Variants in LRP1B observed in about 807,000 individuals in gnomAD.
LRP1B encodes the protein LDL receptor related protein 1B.
Under a neutral mutation model 556.6 loss-of-function variants are expected in LRP1B, and 217 were observed. The ratio of observed to expected loss-of-function variants is 0.39; its 90% CI spans 0.35 to 0.44. LRP1B has a LOEUF of 0.44. Among genes scored for constraint, LRP1B ranks in the 20% least tolerant of loss-of-function variants. The pLI, the probability that LRP1B is intolerant of heterozygous loss-of-function variation, is 1.00. For synonymous variants in LRP1B, 2,047 were observed against 1,865.8 expected (o/e 1.10, Z -2.50); for missense variants, 5,053 against 5,620.8 (o/e 0.90, Z 3.23).
chr2:140,628,537 G>GAAAA (rs71408464), intron 41 of LRP1B, among the ~76,000 whole-genome samples: 1 of 138,396 alleles, frequency 7.2e-6, no homozygotes. Flanking sequence ...ACTCTGTCTC[G>GAAAA]AAAAAAAAAA....
chr2:141,728,415 A>G (rs1383767205), intron 2 of LRP1B, among the ~76,000 whole-genome samples: 1 of 152,048 alleles, frequency 6.6e-6, no homozygotes, highest in Non-Finnish European at 1.5e-5. Flanking sequence ...ACAAGCTCCT[A>G]ATAAAGGAAG....
chr2:141,902,676 A>G (rs1337941017), intron 1 of LRP1B, among the ~76,000 whole-genome samples: 1 of 151,716 alleles, frequency 6.6e-6, no homozygotes, highest in Non-Finnish European at 1.5e-5. Flanking sequence ...CAGAGCCAAT[A>G]TGAACTTACT....
rs945834996 is a variant in LRP1B, at chr2:140,232,277, AT to A, written c.*908del. On this transcript the variant is annotated 3_prime_UTR_variant, in exon 91 of 91. Coordinates refer to ENST00000389484, the MANE Select transcript of LRP1B (RefSeq NM_018557.3). ...TCACCAATTTGTGTGCTTATATATTATTCTTTAGTGTTCAGTGTAGTGTAAG... is the reference window on the plus strand; with the variant it reads ...TCACCAATTTGTGTGCTTATATATTATCTTTAGTGTTCAGTGTAGTGTAAG... 2 of 151,216 alleles carry A rather than the reference AT, an allele frequency of 1.3e-5. No individual in the cohort carries two copies. The highest frequency in any genetic ancestry group is 4.8e-5 in the African/African-American group (2 of 41,318). The allele number at this position is 151,216 out of a possible 1,614,324, so 9.4% of individuals were successfully genotyped here.
At chr2:140,709,111 G>T (rs1336103262) in intron 37 of LRP1B, among the ~76,000 whole-genome samples, 2 of 152,012 alleles carry the variant, frequency 1.3e-5, no homozygotes, top group Non-Finnish European at 2.9e-5. Flanking sequence ...AAGATCCCAT[G>T]TTAATTTGAG....
chr2:141,899,875 A>G (rs1699564051), intron 1 of LRP1B, among the ~76,000 whole-genome samples: 1 of 151,750 alleles, frequency 6.6e-6, no homozygotes. Context: ...TTCATTGACA[A>G]CTCCCTGCAT....
rs574713705 is a variant in LRP1B, at chr2:141,515,412, C to A, written c.206-34879G>T. ...AGCAGAGTTAAAGTTTACATCCACT[C>A]TCCATAGAAAAATATCAAGACCAAA... On this transcript the variant is annotated intron_variant, in intron 2 of 90. Coordinates refer to ENST00000389484, the MANE Select transcript of LRP1B (RefSeq NM_018557.3). Among the ~76,000 whole-genome samples, 7 of 152,198 alleles carry A rather than the reference C, an allele frequency of 4.6e-5. No individual in the cohort carries two copies. In the East Asian group the frequency reaches 1.2e-3, roughly 25 times the overall value.
intron 2 of LRP1B, among the ~76,000 whole-genome samples, chr2:141,599,262 G>GA (rs34615223): frequency 2.0e-5 from 3 of 151,738 alleles, no homozygotes; most frequent in African/African-American, 4.8e-5. Context: ...TAGTGCTCAT[G>GA]AAAAAAAATT....
chr2:140,688,695 C>T (rs185630555), intron 41 of LRP1B, among the ~76,000 whole-genome samples: 43 of 152,258 alleles, frequency 2.8e-4, no homozygotes, highest in African/African-American at 9.9e-4. Context: ...GAGACATTAG[C>T]AGTTGCTGTG....
chr2:141,990,023 T>C (rs1256490421), intron 1 of LRP1B, among the ~76,000 whole-genome samples: 1 of 152,118 alleles, frequency 6.6e-6, no homozygotes, highest in East Asian at 1.9e-4. Context: ...ATTGATTAGA[T>C]GTCTACAATT....
chr2:141,824,906 G>A (rs11896042), intron 1 of LRP1B, among the ~76,000 whole-genome samples: 5,009 of 152,232 alleles, frequency 0.033, 296 homozygotes, highest in African/African-American at 0.11. Flanking sequence ...TGTATCATGG[G>A]AATGGTTTCC....
chr2:141,869,706 CTG>C (rs1218738631), intron 1 of LRP1B, among the ~76,000 whole-genome samples: 1 of 152,096 alleles, frequency 6.6e-6, no homozygotes, highest in African/African-American at 2.4e-5. Flanking sequence ...TTTGAAATAA[CTG>C]TAACATAACA....
intron 35 of LRP1B, among the ~76,000 whole-genome samples, chr2:140,764,443 C>T (rs1165740074): frequency 2.0e-5 from 3 of 152,078 alleles, no homozygotes; most frequent in Non-Finnish European, 2.9e-5. Flanking sequence ...TTCCAGTTTC[C>T]TTACCTGTAT....
At chr2:140,557,443 AT>A (rs1458204616) in intron 43 of LRP1B, among the ~76,000 whole-genome samples, 2 of 152,156 alleles carry the variant, frequency 1.3e-5, no homozygotes, top group African/African-American at 4.8e-5. Flanking sequence ...AAGTTAAAAA[AT>A]GTGTAAAAGT....
chr2:140,742,167 T>C (rs189598608), intron 35 of LRP1B, among the ~76,000 whole-genome samples: 7 of 152,252 alleles, frequency 4.6e-5, no homozygotes, highest in African/African-American at 1.7e-4. Flanking sequence ...TTCAGTAAAA[T>C]AACAAAGAAG....
chr2:140,461,760 G>A (rs1408592472), intron 60 of LRP1B, among the ~76,000 whole-genome samples: 8 of 151,988 alleles, frequency 5.3e-5, no homozygotes, highest in Admixed American at 5.2e-4. Context: ...CTTGAACCCG[G>A]GAGGCAGAGG....
rs369819633 is a variant in LRP1B at position 141,840,430 on chromosome 2, AT to A, written c.83-30030del. On this transcript the variant is annotated intron_variant, in intron 1 of 90. Transcript: ENST00000389484. ...AGGCACCCGCCACTACGCCCAGCTAATTTTTTGTACTTTTAGTAGAGACTCT... is the reference window on the plus strand; with the variant it reads ...AGGCACCCGCCACTACGCCCAGCTAATTTTTGTACTTTTAGTAGAGACTCT... 8.0e-3 allele frequency among the ~76,000 whole-genome samples: 1,219 copies of A among 151,804 alleles called. 21 individuals are homozygous for A. The highest frequency in any genetic ancestry group is 0.028 in the African/African-American group (1,163 of 41,396).
chr2:140,891,159 TGTAA>T (rs1693786863), intron 23 of LRP1B, among the ~76,000 whole-genome samples: 1 of 152,148 alleles, frequency 6.6e-6, no homozygotes, highest in Admixed American at 6.6e-5. Flanking sequence ...TTATACTTTT[TGTAA>T]GTGACAAATT....
intron 8 of LRP1B, among the ~76,000 whole-genome samples, chr2:141,060,297 G>A (rs1699300206): frequency 6.6e-6 from 1 of 151,636 alleles, no homozygotes; most frequent in Non-Finnish European, 1.5e-5. Context: ...GAATGACTAG[G>A]GAGAACTATT....
intron 29 of LRP1B, among the ~76,000 whole-genome samples, chr2:140,845,537 G>A (rs1376727625): frequency 1.3e-5 from 2 of 150,880 alleles, no homozygotes; most frequent in East Asian, 1.9e-4. Context: ...TGAGATATAC[G>A]AGAACAGTTA....
Sources: gnomAD v4.1 joint callset for allele counts (sites outside exome capture counted in the v4.1 genomes callset) on GRCh38, gnomAD v4.1.1 for gene constraint, MANE v1.5 for transcripts, NCBI Gene and HGNC (gene_info 2026-07-23, HGNC 2026-07-21) for gene names.